The following SPATA18 variants were observed in gnomAD, a reference collection of about 807,000 sequenced individuals.
SPATA18 encodes mitochondria-eating protein.
In SPATA18, 54 loss-of-function variants were observed where a neutral mutation model predicts 68.1. The ratio of observed to expected loss-of-function variants is 0.79; its 90% CI spans 0.64 to 0.99. SPATA18 has a LOEUF of 0.99. SPATA18 is among the 50% of genes least tolerant of loss of function. SPATA18 has a pLI of 0.00. For missense variants in SPATA18, 724 were observed against 681.1 expected (o/e 1.06, Z -0.70); for synonymous variants, 242 against 244.8 (o/e 0.99, Z 0.11).
At chr4:52,055,567 A>G (rs1738266695) in intron 1 of SPATA18, among the ~76,000 whole-genome samples, 1 of 151,980 alleles carries the variant, frequency 6.6e-6, no homozygotes, top group Non-Finnish European at 1.5e-5. Flanking sequence ...TTTTCTTTTT[A>G]GTATTATTTG....
rs1737885149 is a variant in SPATA18, at chr4:52,051,691, A to G, written c.-14A>G. 5 of 1,613,592 alleles carry G rather than the reference A, an allele frequency of 3.1e-6. No individual in the cohort carries two copies. In the South Asian group the frequency reaches 3.3e-5, roughly 11 times the overall value. On this transcript the variant is annotated 5_prime_UTR_variant, in exon 1 of 13. Transcript: ENST00000295213. ...CTCCATCGCGCAGCGTGGGGCCGAG[A>G]GGAATAGTGAGCGATGGCGGAAAAC...
chr4:52,059,481 A>G (rs1238665220), intron 1 of SPATA18, among the ~76,000 whole-genome samples: 1 of 152,230 alleles, frequency 6.6e-6, no homozygotes, highest in Non-Finnish European at 1.5e-5. Flanking sequence ...ATAATAGCTA[A>G]AAGGTTCACT....
intron 10 of SPATA18, among the ~76,000 whole-genome samples, chr4:52,084,627 A>G (rs1741257183): frequency 6.6e-6 from 1 of 152,206 alleles, no homozygotes; most frequent in Non-Finnish European, 1.5e-5. Context: ...ACAAACTCCT[A>G]TGTAATTTCC....
intron 9 of SPATA18, among the ~76,000 whole-genome samples, chr4:52,080,538 C>G (rs1466926340): frequency 6.6e-6 from 1 of 152,086 alleles, no homozygotes; most frequent in African/African-American, 2.4e-5. Context: ...TTCTTGAGAT[C>G]ACAGGATATA....
At chr4:52,067,115 T>C (rs1739378772) in intron 4 of SPATA18, among the ~76,000 whole-genome samples, 1 of 152,196 alleles carries the variant, frequency 6.6e-6, no homozygotes, top group African/African-American at 2.4e-5. Flanking sequence ...ATATTTCCAC[T>C]AACAGTGTGA....
chr4:52,076,656 C>T, intron 6 of SPATA18, 123 bp from the exon 7 acceptor site: 1 of 1,318,596 alleles, frequency 7.6e-7, no homozygotes, highest in South Asian at 1.4e-5. Context: ...CTAATCACTT[C>T]TGAATTCCTC....
rs527893853 is a variant in SPATA18, at chr4:52,091,619, A to T, written c.1564-2908A>T. Reference sequence around the variant, plus strand: ...CAGTGGAGGCTGCAGAGCAGCAAAGATTGCTGCCTGTTCTTTCCTCTGGAA... The same window carrying T: ...CAGTGGAGGCTGCAGAGCAGCAAAGTTTGCTGCCTGTTCTTTCCTCTGGAA... On this transcript the variant is annotated intron_variant, in intron 11 of 12. Coordinates refer to ENST00000295213, the MANE Select transcript of SPATA18 (RefSeq NM_145263.4). Among the ~76,000 whole-genome samples the T allele has an allele frequency of 6.6e-5, 10 of 152,276 alleles. No homozygotes were observed. The East Asian group carries it at 1.9e-3, about 29-fold the overall frequency.
chr4:52,071,594 G>A (rs1739845768), intron 5 of SPATA18, among the ~76,000 whole-genome samples: 1 of 152,220 alleles, frequency 6.6e-6, no homozygotes, highest in African/African-American at 2.4e-5. Context: ...AAATAAGCAT[G>A]CAGTTAAGAT....
chr4:52,094,704 G>A (rs1295918292), intron 12 of SPATA18, 132 bp downstream of exon 12: 2 of 1,279,448 alleles, frequency 1.6e-6, no homozygotes, highest in African/African-American at 1.5e-5. Flanking sequence ...CACCTTTCAT[G>A]TCTGGGCCTC....
At chr4:52,083,825 C>G (rs13118571) in intron 10 of SPATA18, among the ~76,000 whole-genome samples, 17,738 of 150,600 alleles carry the variant, frequency 0.12, 1,346 homozygotes, top group South Asian at 0.28. Flanking sequence ...ACTGCAACCT[C>G]CGCCTCCCAG....
chr4:52,082,451 C>T lies in SPATA18; in HGVS notation c.1420C>T (p.Leu474Phe). The T allele has an allele frequency of 6.2e-7, 1 of 1,614,122 alleles. No homozygotes were observed. Among genetic ancestry groups the T allele is most frequent in the Non-Finnish European group, 8.5e-7 (1 of 1,180,004 alleles). ...AGTCCTCTATCACGTGTGGCCTGCT[C>T]TCATGGAGAATGACTGTGTCATTAT... ...PLVLYHVWPA[L>F]MENDCVIMKG... Residue 474 changes from leucine (L) to phenylalanine (F), a missense_variant, in exon 10 of 13, where the codon CTC (leucine) becomes TTC (phenylalanine). Coordinates refer to ENST00000295213, the MANE Select transcript of SPATA18 (RefSeq NM_145263.4).
At position 52,078,732 on chromosome 4, in the gene SPATA18, C is replaced by A; in HGVS notation, c.1021-3C>A. 6.4e-7 allele frequency: 1 copy of A among 1,564,296 alleles called. No individual in the cohort carries two copies. Among genetic ancestry groups the A allele is most frequent in the Admixed American group, 1.7e-5 (1 of 58,996 alleles). On this transcript the variant is annotated splice_region_variant and splice_polypyrimidine_tract_variant and intron_variant, in intron 7 of 12. Transcript: ENST00000295213. ...AATAAATTTGCTGCATTTTTATGTG[C>A]AGGAGGCATTCCATGTAGCAAAAAT...
At chr4:52,060,386 T>C (rs1738724202) in intron 1 of SPATA18, 33 bp from the exon 2 acceptor site, 1 of 1,584,540 alleles carries the variant, frequency 6.3e-7, no homozygotes, top group African/African-American at 1.3e-5. Flanking sequence ...AGTGAAGTAA[T>C]TACCCTGGTT....
In SPATA18 at chr4:52,079,932, G is replaced by T. The variant is rs201502265; in HGVS notation, c.1355+13G>T. On this transcript the variant is annotated intron_variant, in intron 9 of 12. Transcript: ENST00000295213. ...TTAATGATTGCAAGTAAGAGACACA[G>T]GAGCAGAAGCTAAGGGATTTATCAT... is the stretch of plus-strand genomic sequence containing the variant. The T allele has an allele frequency of 3.2e-5, 52 of 1,607,690 alleles. No homozygotes were observed. Among genetic ancestry groups the T allele is most frequent in the Non-Finnish European group, 4.1e-5 (48 of 1,177,304 alleles).
intron 5 of SPATA18, among the ~76,000 whole-genome samples, chr4:52,070,835 C>A (rs1272650258): frequency 3.3e-5 from 5 of 151,796 alleles, no homozygotes; most frequent in African/African-American, 9.7e-5. Context: ...TAAGGTTATA[C>A]CTTCCTGGAT....
chr4:52,081,827 CT>C (rs67825682), intron 9 of SPATA18, among the ~76,000 whole-genome samples: 3,486 of 148,818 alleles, frequency 0.023, 88 homozygotes, highest in African/African-American at 0.072. Context: ...TCAATGTCAT[CT>C]TTTTTTTTTC....
intron 5 of SPATA18, among the ~76,000 whole-genome samples, chr4:52,070,879 G>T (rs931638797): frequency 3.6e-5 from 4 of 112,070 alleles, no homozygotes; most frequent in South Asian, 4.2e-4. Flanking sequence ...AAAAGAGTAA[G>T]TGGGGGGGGG....
intron 12 of SPATA18, 68 bp from the exon 13 acceptor site, chr4:52,094,812 T>C (rs1578211659): frequency 5.6e-6 from 9 of 1,598,260 alleles, no homozygotes; most frequent in African/African-American, 5.4e-5. Flanking sequence ...GCCTCTTTCA[T>C]TTAGGTGCTT....
In SPATA18 at chr4:52,094,516, A is replaced by C; in HGVS notation, c.1564-11A>C. 6.2e-7 allele frequency: 1 copy of C among 1,611,870 alleles called. No individual in the cohort carries two copies. The highest frequency in any genetic ancestry group is 8.5e-7 in the Non-Finnish European group (1 of 1,178,504). ...ACTATGTAATTCACATTATTCTTTT[A>C]TATTTTCCAGATGTCTCGAAGTCGG... is the stretch of plus-strand genomic sequence containing the variant. On this transcript the variant is annotated splice_polypyrimidine_tract_variant and intron_variant, in intron 11 of 12. Coordinates refer to ENST00000295213, the MANE Select transcript of SPATA18 (RefSeq NM_145263.4).
Sources: gnomAD v4.1 joint callset for allele counts (sites outside exome capture counted in the v4.1 genomes callset) on GRCh38, gnomAD v4.1.1 for gene constraint, MANE v1.5 for transcripts, NCBI Gene and HGNC (gene_info 2026-07-23, HGNC 2026-07-21) for gene names.